The following SAMD12 variants were observed in gnomAD, a reference collection of about 807,000 sequenced individuals.
SAMD12 encodes the protein sterile alpha motif domain-containing protein 12.
A neutral mutation model predicts 15.0 loss-of-function variants in SAMD12; 9 were observed. That is an observed-to-expected ratio of 0.60 (90% CI 0.36 to 1.05). The LOEUF (loss-of-function observed/expected upper bound fraction) is 1.05. Ranked by LOEUF, SAMD12 falls within the 50% of genes least tolerant of loss-of-function variation. The probability of loss-of-function intolerance (pLI) is 0.01; values close to 1 mark genes in which losing one functional copy is unlikely to be tolerated. For missense variants in SAMD12, 230 were observed against 234.2 expected (o/e 0.98, Z 0.12); for synonymous variants, 86 against 90.1 (o/e 0.96, Z 0.25).
chr8:118,265,161 A>G (rs562413173), intron 4 of SAMD12, among the ~76,000 whole-genome samples: 21 of 152,290 alleles, frequency 1.4e-4, no homozygotes, highest in Admixed American at 4.6e-4. Context: ...ACTTGGCCAG[A>G]CAGCTCCAGG....
At chr8:118,229,664 T>C (rs1812264678) in intron 4 of SAMD12, among the ~76,000 whole-genome samples, 1 of 152,180 alleles carries the variant, frequency 6.6e-6, no homozygotes, top group Admixed American at 6.5e-5. Context: ...TGAGTTAATG[T>C]GGGCTGGGCT....
intron 4 of SAMD12, among the ~76,000 whole-genome samples, chr8:118,248,172 C>T (rs912958379): frequency 6.6e-6 from 1 of 152,090 alleles, no homozygotes; most frequent in African/African-American, 2.4e-5. Flanking sequence ...GAAATTCTTC[C>T]ACTGTAGGAA....
chr8:118,530,629 A>T (rs528680011), intron 2 of SAMD12, among the ~76,000 whole-genome samples: 2 of 152,060 alleles, frequency 1.3e-5, no homozygotes, highest in East Asian at 3.9e-4. Flanking sequence ...CTTTGCAAGT[A>T]TTTTCTCCCA....
At chr8:118,163,800 T>G in the SAMD12 span, among the ~76,000 whole-genome samples, 35 of 152,106 alleles carry the variant, frequency 2.3e-4, 1 homozygote, top group Admixed American at 1.2e-3. Flanking sequence ...GAGTGAACCC[T>G]GGAGGCAGAG....
intron 3 of SAMD12, among the ~76,000 whole-genome samples, chr8:118,428,423 G>T (rs1350558098): frequency 6.8e-6 from 1 of 146,312 alleles, no homozygotes; most frequent in African/African-American, 2.8e-5. Context: ...AGAAAGAAAA[G>T]AAAAGAAAAA....
At chr8:118,161,583 T>C in the SAMD12 span, among the ~76,000 whole-genome samples, 13 of 145,468 alleles carry the variant, frequency 8.9e-5, no homozygotes, top group Admixed American at 6.8e-4. Flanking sequence ...AAAAAAGACA[T>C]TGTGAGAAGA....
chr8:118,279,711 G>T (rs1483871528), intron 4 of SAMD12, among the ~76,000 whole-genome samples: 1 of 152,236 alleles, frequency 6.6e-6, no homozygotes, highest in Non-Finnish European at 1.5e-5. Flanking sequence ...GAGGAAATGA[G>T]TGAGAAGTCT....
intron 2 of SAMD12, among the ~76,000 whole-genome samples, chr8:118,569,784 CAAAACTGTGAG>C (rs1826955790): frequency 6.6e-6 from 1 of 152,162 alleles, no homozygotes; most frequent in South Asian, 2.1e-4. Flanking sequence ...TCCCAGCCTT[CAAAACTGTGAG>C]AAATAAATGT....
At chr8:118,269,820 C>A (rs1342774614) in intron 4 of SAMD12, among the ~76,000 whole-genome samples, 4 of 152,268 alleles carry the variant, frequency 2.6e-5, no homozygotes, top group Middle Eastern at 3.4e-3. Context: ...CCTGCACCCC[C>A]CTTCCTTCCT....
At chr8:118,578,526 A>G (rs910643264) in intron 2 of SAMD12, among the ~76,000 whole-genome samples, 1 of 152,172 alleles carries the variant, frequency 6.6e-6, no homozygotes, top group Admixed American at 6.5e-5. Context: ...AAGTAGGCCA[A>G]TTTACCGGAG....
At chr8:118,302,955 T>C (rs949893511) in intron 4 of SAMD12, among the ~76,000 whole-genome samples, 11 of 152,210 alleles carry the variant, frequency 7.2e-5, no homozygotes, top group African/African-American at 2.2e-4. Context: ...GCATCTGTTA[T>C]TGGAGCATTA....
At chr8:118,385,908 C>T (rs1393209266) in intron 3 of SAMD12, among the ~76,000 whole-genome samples, 1 of 152,160 alleles carries the variant, frequency 6.6e-6, no homozygotes. Flanking sequence ...GAAGAGGCTC[C>T]ATTTCATTGT....
At chr8:118,491,859 T>C (rs745533397) in intron 2 of SAMD12, among the ~76,000 whole-genome samples, 1 of 152,206 alleles carries the variant, frequency 6.6e-6, no homozygotes, top group Non-Finnish European at 1.5e-5. Context: ...TTGATAGATA[T>C]GAATTGTTTA....
At chr8:118,224,465 C>T (rs1586360339) in intron 4 of SAMD12, among the ~76,000 whole-genome samples, 1 of 152,018 alleles carries the variant, frequency 6.6e-6, no homozygotes, top group East Asian at 1.9e-4. Context: ...ACAAAGAAAA[C>T]CAAAGATGTA....
At chr8:118,246,803 C>T (rs1439281773) in intron 4 of SAMD12, among the ~76,000 whole-genome samples, 1 of 151,982 alleles carries the variant, frequency 6.6e-6, no homozygotes, top group Non-Finnish European at 1.5e-5. Context: ...GAAAGATGAA[C>T]TAGAGTTAGA....
chr8:118,151,896 G>A, the SAMD12 span, among the ~76,000 whole-genome samples: 2 of 152,054 alleles, frequency 1.3e-5, no homozygotes, highest in South Asian at 2.1e-4. Flanking sequence ...ATAACATGGG[G>A]AGCTCTGGGG....
chr8:118,426,004 T>C (rs893979711), intron 3 of SAMD12, among the ~76,000 whole-genome samples: 4 of 152,176 alleles, frequency 2.6e-5, no homozygotes, highest in African/African-American at 7.2e-5. Flanking sequence ...TGTTTATTCA[T>C]GTGAAAAAAA....
At chr8:118,504,772 G>T (rs1824878918) in intron 2 of SAMD12, among the ~76,000 whole-genome samples, 1 of 152,178 alleles carries the variant, frequency 6.6e-6, no homozygotes, top group South Asian at 2.1e-4. Flanking sequence ...AGTGAAGACA[G>T]AGCAGAGACA....
chr8:118,458,950 ATGTGTG>A (rs56067272), intron 2 of SAMD12, among the ~76,000 whole-genome samples: 5,685 of 149,310 alleles, frequency 0.038, 130 homozygotes, highest in Non-Finnish European at 0.045. Flanking sequence ...TCAGCTATAT[ATGTGTG>A]TGTGTGTGTG....
Sources: allele counts gnomAD v4.1 joint callset (sites outside exome capture counted in the v4.1 genomes callset), GRCh38; gene constraint gnomAD v4.1.1; transcripts MANE v1.5; gene names NCBI Gene and HGNC (gene_info 2026-07-23, HGNC 2026-07-21).